The following ZNF284 variants were observed in gnomAD, a reference collection of about 807,000 sequenced individuals.
ZNF284 encodes the protein zinc finger protein 284.
ZNF284 carries 12 observed loss-of-function variants against 12.9 expected under a neutral mutation model. The ratio of observed to expected loss-of-function variants is 0.93; its 90% CI spans 0.60 to 1.51. The LOEUF is 1.51. Among genes scored for constraint, ZNF284 ranks in the 40% most tolerant of loss-of-function variants. The probability of loss-of-function intolerance (pLI) is 0.00; values close to 1 mark genes in which losing one functional copy is unlikely to be tolerated. For missense variants in ZNF284, 667 were observed against 707.3 expected (o/e 0.94, Z 0.65); for synonymous variants, 225 against 236.5 (o/e 0.95, Z 0.45).
In ZNF284 at chr19:44,085,893, A is replaced by C. The variant is rs767411730; in HGVS notation, c.415A>C (p.Ile139Leu). ...CTCCCAGGTTGACGCAGGACTATCTATAATTCACATAGGAGAGACACCTTC... is the reference window on the plus strand; with the variant it reads ...CTCCCAGGTTGACGCAGGACTATCTCTAATTCACATAGGAGAGACACCTTC... ...VPSQVDAGLS[I>L]IHIGETPSEH... is the part of the protein sequence containing the mutation. Residue 139 changes from isoleucine to leucine, a missense_variant, in exon 5 of 5, where the codon ATA becomes CTA. Physicochemically the swap from Ile to Leu is conservative, Grantham distance 5. Transcript: ENST00000421176. 6.2e-7 allele frequency: 1 copy of C among 1,614,224 alleles called. No individual in the cohort carries two copies. The highest frequency in any genetic ancestry group is 2.2e-5 in the East Asian group (1 of 44,890).
chr19:44,079,720 C>A (rs1046011177), intron 2 of ZNF284, among the ~76,000 whole-genome samples: 4 of 149,834 alleles, frequency 2.7e-5, no homozygotes, highest in Non-Finnish European at 6.0e-5. Context: ...AAAAACAAAA[C>A]AAAACAAAAC....
Position 44,085,765 on chromosome 19 carries a change from A to T in ZNF284, c.287A>T (p.Glu96Val). Residue 96 changes from glutamate (E) to valine (V), a missense_variant, in exon 5 of 5, where the codon GAA (glutamate) becomes GTA (valine). Coordinates refer to ENST00000421176, the MANE Select transcript of ZNF284 (RefSeq NM_001037813.4). The stretch of plus-strand genomic sequence containing the variant: ...TCTGTTCCAGAAACAGGACCACATG[A>T]AGAGTGGTCTTGCCAGCAAATCTGG... ...LESVPETGPH[E>V]EWSCQQIWEQ... 1 of 1,614,170 alleles carries T rather than the reference A, an allele frequency of 6.2e-7. No individual in the cohort carries two copies. Among genetic ancestry groups the T allele is most frequent in the Non-Finnish European group, 8.5e-7 (1 of 1,180,022 alleles).
At chr19:44,081,883 AT>A in intron 3 of ZNF284, 129 bp from the exon 4 acceptor site, 1 of 651,258 alleles carries the variant, frequency 1.5e-6, no homozygotes, top group East Asian at 2.7e-5. Context: ...GGGAACTACA[AT>A]TCAAGATGAG....
chr19:44,085,280 C>T, intron 4 of ZNF284: 1 of 157,398 alleles, frequency 6.4e-6, no homozygotes, highest in Non-Finnish European at 1.4e-5. Flanking sequence ...CCAGTTTTAC[C>T]ATATGTGCTG....
intron 4 of ZNF284, among the ~76,000 whole-genome samples, chr19:44,084,913 G>A (rs1967204353): frequency 6.6e-6 from 1 of 152,122 alleles, no homozygotes; most frequent in South Asian, 2.1e-4. Flanking sequence ...GCCATTGCAT[G>A]GACTCCAGGT....
intron 2 of ZNF284, among the ~76,000 whole-genome samples, chr19:44,076,812 A>C (rs1967034996): frequency 7.9e-6 from 1 of 126,730 alleles, no homozygotes; most frequent in Admixed American, 9.1e-5. Flanking sequence ...CATTGAATTG[A>C]TGCTCCTTTT....
intron 4 of ZNF284, among the ~76,000 whole-genome samples, chr19:44,083,384 G>A (rs1014072816): frequency 2.5e-4 from 37 of 148,316 alleles, no homozygotes; most frequent in Non-Finnish European, 4.3e-4. Flanking sequence ...TAGTGAGCTG[G>A]GATTGTGCCA....
intron 1 of ZNF284, among the ~76,000 whole-genome samples, chr19:44,075,101 G>A (rs1367064024): frequency 1.3e-5 from 2 of 152,160 alleles, no homozygotes; most frequent in African/African-American, 4.8e-5. Context: ...TTATTAGATA[G>A]TGTTGGATAC....
At chr19:44,083,474 T>TAGAGAGAGAGAGAGAG (rs60441974) in intron 4 of ZNF284, among the ~76,000 whole-genome samples, 1 of 64,924 alleles carries the variant, frequency 1.5e-5, no homozygotes, top group African/African-American at 5.0e-5. Context: ...TATATATATA[T>TAGAGAGAGAGAGAGAG]AGAGAGAGAG....
intron 4 of ZNF284, among the ~76,000 whole-genome samples, chr19:44,083,482 G>A (rs868130824): frequency 9.2e-5 from 7 of 76,178 alleles, no homozygotes; most frequent in Admixed American, 2.6e-4. Flanking sequence ...TATAGAGAGA[G>A]AGAGAGAGAG....
rs1345830784 is a variant in ZNF284 at position 44,085,944 on chromosome 19, T to A, written c.466T>A (p.Phe156Ile). Reference sequence around the variant, plus strand: ...TGAGCATGGGAAGTGTAAAAAATTCTTCAGTGATGTCTCCATCCTTGATCT... The same window carrying A: ...TGAGCATGGGAAGTGTAAAAAATTCATCAGTGATGTCTCCATCCTTGATCT... The part of the protein sequence containing the change: ...PSEHGKCKKF[F>I]SDVSILDLHQ... Residue 156 changes from phenylalanine to isoleucine, a missense_variant, in exon 5 of 5, where the codon TTC becomes ATC. By Grantham distance (21) the Phe-to-Ile change is conservative. Coordinates refer to ENST00000421176, the MANE Select transcript of ZNF284 (RefSeq NM_001037813.4). The A allele has an allele frequency of 1.2e-6, 2 of 1,614,200 alleles. No homozygotes were observed. The highest frequency in any genetic ancestry group is 1.7e-6 in the Non-Finnish European group (2 of 1,180,030).
rs867878035 is a variant in ZNF284, at chr19:44,086,403, C to T, written c.925C>T (p.His309Tyr). Reference sequence around the variant, plus strand: ...AAATCTTAATAGGCATTCCATGGTCCACATGCAAGAGAAATCATTTAGATG... The same window carrying T: ...AAATCTTAATAGGCATTCCATGGTCTACATGCAAGAGAAATCATTTAGATG... ...RSNLNRHSMVHMQEKSFRCDT... is the reference protein window; with the variant it reads ...RSNLNRHSMVYMQEKSFRCDT... Residue 309 changes from histidine (H) to tyrosine (Y), a missense_variant, in exon 5 of 5, where the codon CAC (histidine) becomes TAC (tyrosine). Coordinates refer to ENST00000421176, the MANE Select transcript of ZNF284 (RefSeq NM_001037813.4). The T allele has an allele frequency of 6.2e-7, 1 of 1,613,956 alleles. No individual in the cohort carries two copies. Among genetic ancestry groups the T allele is most frequent in the South Asian group, 1.1e-5 (1 of 91,074 alleles).
chr19:44,076,614 A>T (rs773268560), intron 2 of ZNF284, among the ~76,000 whole-genome samples: 5 of 152,150 alleles, frequency 3.3e-5, no homozygotes, highest in Admixed American at 1.3e-4. Context: ...ATGAGTAGAA[A>T]TTTAGTGGGA....
chr19:44,081,196 TC>T, intron 3 of ZNF284, 55 bp downstream of exon 3: 1 of 1,557,108 alleles, frequency 6.4e-7, no homozygotes, highest in Non-Finnish European at 8.7e-7. Flanking sequence ...TGGCTTTGTA[TC>T]CTAGGGTGTT....
rs117285343 is a variant in ZNF284, at chr19:44,084,836, G to A, written c.236-878G>A. ...TGGTGGGGGTGCAGCTCTCAAAATAGCGCTGTGCCATAGCTGCTTGAGTCT... is the reference window on the plus strand; with the variant it reads ...TGGTGGGGGTGCAGCTCTCAAAATAACGCTGTGCCATAGCTGCTTGAGTCT... On this transcript the variant is annotated intron_variant, in intron 4 of 4. Coordinates refer to ENST00000421176, the MANE Select transcript of ZNF284 (RefSeq NM_001037813.4). Among the ~76,000 whole-genome samples the A allele has an allele frequency of 1.4e-4, 21 of 152,258 alleles. No homozygotes were observed. The East Asian group carries it at 4.1e-3, about 30-fold the overall frequency.
chr19:44,076,396 A>G lies in ZNF284; in HGVS notation c.7A>G (p.Met3Val), dbSNP rs778349831. 2.3e-5 allele frequency: 37 copies of G among 1,609,728 alleles called. No individual in the cohort carries two copies. The highest frequency in any genetic ancestry group is 5.0e-5 in the Admixed American group (3 of 59,500). Residue 3 changes from methionine to valine, a missense_variant, in exon 2 of 5, where the codon ATG becomes GTG. Physicochemically the swap from Met to Val is conservative, Grantham distance 21. Transcript: ENST00000421176. Reference sequence around the variant, plus strand: ...CCCCAAAGAAGGAGGAAAAATGACCATGTTCAAGGTGAGTAAGTCTGGTCT... The same window carrying G: ...CCCCAAAGAAGGAGGAAAAATGACCGTGTTCAAGGTGAGTAAGTCTGGTCT... MT[M>V]FKEAVTFKDV...
intron 4 of ZNF284, 131 bp downstream of exon 4, chr19:44,082,236 G>A: frequency 3.0e-6 from 2 of 657,692 alleles, no homozygotes; most frequent in Non-Finnish European, 5.1e-6. Flanking sequence ...CCTTCCTGCT[G>A]GTTGTCCTGC....
At position 44,077,896 on chromosome 19, in the gene ZNF284, C is replaced by T. The variant is rs374375950; in HGVS notation, c.15+1492C>T. Among the ~76,000 whole-genome samples the T allele has an allele frequency of 1.8e-4, 27 of 152,220 alleles. No individual in the cohort carries two copies. The East Asian group carries it at 4.4e-3, about 25-fold the overall frequency. ...ACATAGCTCCTCCCTGACCCCTCCT[C>T]GGGGGTCCTCTTCTCTTCCTGTTGT... On this transcript the variant is annotated intron_variant, in intron 2 of 4. Coordinates refer to ENST00000421176, the MANE Select transcript of ZNF284 (RefSeq NM_001037813.4).
Position 44,089,290 on chromosome 19 carries a change from T to C in ZNF284, c.*2030T>C, listed in dbSNP as rs1488209073. On this transcript the variant is annotated 3_prime_UTR_variant, in exon 5 of 5. Transcript: ENST00000421176. ...TACAGGCATGGACCACCACCCCTGA[T>C]TGATCTTCTTTAGTTTCTATAACAA... 6.6e-6 allele frequency: 1 copy of C among 152,140 alleles called. No homozygotes were observed. Among genetic ancestry groups the C allele is most frequent in the African/African-American group, 2.4e-5 (1 of 41,420 alleles). The allele number at this position is 152,140 out of a possible 1,614,324, so 9.4% of individuals were successfully genotyped here. A position where few individuals can be genotyped will look rare whatever the true frequency, so the allele number is the denominator to read the frequency against.
Sources: allele counts gnomAD v4.1 joint callset (sites outside exome capture counted in the v4.1 genomes callset), GRCh38; gene constraint gnomAD v4.1.1; transcripts MANE v1.5; gene names NCBI Gene and HGNC (gene_info 2026-07-23, HGNC 2026-07-21).